C1orf94: variants seen among roughly 807,000 people sequenced by gnomAD.
C1orf94 encodes uncharacterized protein C1orf94.
Under a neutral mutation model 53.6 loss-of-function variants are expected in C1orf94, and 45 were observed. The ratio of observed to expected loss-of-function variants is 0.84; its 90% CI spans 0.66 to 1.08. The LOEUF (loss-of-function observed/expected upper bound fraction) is 1.08, where lower values mean the gene tolerates loss of function less well. Ranked by LOEUF, C1orf94 falls within the 50% of genes least tolerant of loss-of-function variation. The probability of loss-of-function intolerance (pLI) is 0.00; values close to 1 mark genes in which losing one functional copy is unlikely to be tolerated. For synonymous variants in C1orf94, 304 were observed against 296.1 expected (o/e 1.03, Z -0.27); for missense variants, 762 against 738.9 (o/e 1.03, Z -0.36).
chr1:34,204,746 A>G (rs1642765689), intron 4 of C1orf94, among the ~76,000 whole-genome samples: 1 of 152,164 alleles, frequency 6.6e-6, no homozygotes, highest in Admixed American at 6.5e-5. Context: ...AAGATGACTA[A>G]AGTCAGGTGT....
At position 34,169,664 on chromosome 1, in the gene C1orf94, A is replaced by G. The variant is rs1453861645; in HGVS notation, c.-251+2493A>G. ...GCAAATGGGAGATTCTAGCAATGCG[A>G]GGGCAGAAATAGAGGCCAAGGGGCA... On this transcript the variant is annotated intron_variant, in intron 1 of 6. Coordinates refer to the C1orf94 transcript ENST00000373374. Among the ~76,000 whole-genome samples, 4 of 150,194 alleles carry G rather than the reference A, an allele frequency of 2.7e-5. No individual in the cohort carries two copies. The Admixed American group carries it at 2.7e-4, about 10-fold the overall frequency.
intron 1 of C1orf94, among the ~76,000 whole-genome samples, chr1:34,190,533 T>C (rs553033771): frequency 1.2e-4 from 18 of 152,256 alleles, no homozygotes; most frequent in Non-Finnish European, 2.5e-4. Context: ...ATTCGTTACC[T>C]GGCTAAGTCC....
At chr1:34,207,517 G>A (rs146098041) in intron 4 of C1orf94, among the ~76,000 whole-genome samples, 4 of 152,256 alleles carry the variant, frequency 2.6e-5, no homozygotes, top group Admixed American at 6.5e-5. Context: ...GCCCCTCTCC[G>A]TAAGCTACAG....
At chr1:34,179,767 T>G (rs1420486511) in intron 1 of C1orf94, among the ~76,000 whole-genome samples, 1 of 152,198 alleles carries the variant, frequency 6.6e-6, no homozygotes, top group Non-Finnish European at 1.5e-5. Flanking sequence ...TGTTGTTGGC[T>G]TCAATCTGGG....
chr1:34,186,142 T>C (rs1186571389), intron 1 of C1orf94, among the ~76,000 whole-genome samples: 1 of 152,212 alleles, frequency 6.6e-6, no homozygotes, highest in Non-Finnish European at 1.5e-5. Flanking sequence ...ACCTCTTTCC[T>C]AAGTGTTTTA....
upstream of C1orf94, among the ~76,000 whole-genome samples, chr1:34,175,899 G>A (rs1571333414): frequency 6.6e-6 from 1 of 151,614 alleles, no homozygotes; most frequent in East Asian, 2.0e-4. Flanking sequence ...TGTGGTTTTT[G>A]CCATTGCAAG....
rs1414474 is a variant in C1orf94, at chr1:34,197,810, C to G, written c.906C>G (p.Asp302Glu). The G allele has an allele frequency of 0.22, 355,124 of 1,614,048 alleles. 40,273 individuals carry two copies. Among genetic ancestry groups the G allele is most frequent in the Middle Eastern group, 0.25 (1,522 of 6,060 alleles). ...LPPRPPPARPDKLPELPAQKR... is the reference protein window; with the variant it reads ...LPPRPPPARPEKLPELPAQKR... ...CCCGACCTCCTCCTGCACGTCCTGA[C>G]AAGCTCCCTGAGCTCCCTGCTCAGA... is the stretch of plus-strand genomic sequence containing the variant. The change falls in exon 2 of 7, where the codon GAC (aspartate) becomes GAG (glutamate). Residue 302 changes from aspartate to glutamate, a missense_variant. Coordinates refer to ENST00000488417, the MANE Select transcript of C1orf94 (RefSeq NM_001134734.2). This position sits in a 1 kb window ranked among gnomAD's most constrained non-coding sequence, Gnocchi z 4.1.
At chr1:34,185,960 A>G (rs1157506314) in intron 1 of C1orf94, among the ~76,000 whole-genome samples, 1 of 152,112 alleles carries the variant, frequency 6.6e-6, no homozygotes, top group African/African-American at 2.4e-5. Flanking sequence ...ATGTTATTCC[A>G]CTACCAGGAA....
intron 1 of C1orf94, among the ~76,000 whole-genome samples, chr1:34,189,731 G>A (rs1271236406): frequency 6.6e-6 from 1 of 152,112 alleles, no homozygotes; most frequent in African/African-American, 2.4e-5. Context: ...TCCACTCACT[G>A]CCACAGCTCC....
chr1:34,208,112 A>T, intron 4 of C1orf94, 45 bp from the exon 5 acceptor site: 1 of 1,594,092 alleles, frequency 6.3e-7, no homozygotes, highest in African/African-American at 1.3e-5. Flanking sequence ...GCCTTCTGGC[A>T]GGAAACCCCT....
chr1:34,170,411 G>C (rs557658434), intron 1 of C1orf94, among the ~76,000 whole-genome samples: 4 of 152,288 alleles, frequency 2.6e-5, no homozygotes, highest in African/African-American at 9.6e-5. Context: ...CTATGGGAAA[G>C]GGCAGGTGAG....
At chr1:34,167,415 T>A (rs545492565) in intron 1 of C1orf94, among the ~76,000 whole-genome samples, 4 of 152,314 alleles carry the variant, frequency 2.6e-5, no homozygotes, top group South Asian at 4.1e-4. Context: ...GCTCCAGAAC[T>A]TTGCTCTGTG....
At chr1:34,210,026 G>C (rs1642865022) in intron 5 of C1orf94, among the ~76,000 whole-genome samples, 1 of 152,160 alleles carries the variant, frequency 6.6e-6, no homozygotes, top group African/African-American at 2.4e-5. Context: ...TGGGCACACT[G>C]TTCCATTGCT....
At chr1:34,208,338 G>T in intron 5 of C1orf94, 104 bp downstream of exon 5, 1 of 1,154,166 alleles carries the variant, frequency 8.7e-7, no homozygotes, top group Non-Finnish European at 1.3e-6. Flanking sequence ...CCAGACACCT[G>T]GCCCACCATT....
At chr1:34,181,565 A>G (rs1157946484) in intron 1 of C1orf94, among the ~76,000 whole-genome samples, 2 of 152,212 alleles carry the variant, frequency 1.3e-5, no homozygotes, top group Admixed American at 1.3e-4. Context: ...AGGGGGATGG[A>G]GCTGTGAACT....
At chr1:34,212,576 G>A (rs1642912716) in intron 6 of C1orf94, among the ~76,000 whole-genome samples, 170 bp downstream of exon 6, 1 of 152,198 alleles carries the variant, frequency 6.6e-6, no homozygotes, top group Admixed American at 6.5e-5. Context: ...GGGACCTGGT[G>A]CAGAGATGAA....
chr1:34,182,496 G>A (rs1223431535), intron 1 of C1orf94, among the ~76,000 whole-genome samples: 1 of 152,174 alleles, frequency 6.6e-6, no homozygotes, highest in African/African-American at 2.4e-5. Flanking sequence ...GTGTGGGAGA[G>A]GAAGTGGGAG....
At chr1:34,189,267 CATGTGTGA>C (rs1447800039) in intron 1 of C1orf94, among the ~76,000 whole-genome samples, 4 of 151,522 alleles carry the variant, frequency 2.6e-5, no homozygotes, top group African/African-American at 9.7e-5. Context: ...TACGTGTGTG[CATGTGTGA>C]ATGTGTGTAT....
rs371336971 is a variant in C1orf94 at position 34,202,202 on chromosome 1, C to T, written c.1389C>T (p.Asn463=). 9.3e-6 allele frequency: 15 copies of T among 1,614,260 alleles called. No individual in the cohort carries two copies. The African/African-American group carries it at 2.0e-4, about 22-fold the overall frequency. Reference sequence around the variant, plus strand: ...CCCTGAACCAGCCACTCTGGCTCAACCTGAACTATCCACCTCCACCAGTGT... The same window carrying T: ...CCCTGAACCAGCCACTCTGGCTCAATCTGAACTATCCACCTCCACCAGTGT... ...SATLNQPLWL[N]LNYPPPPVFT... The change falls in exon 4 of 7, where the codon AAC becomes AAT. Residue 463 remains asparagine, a synonymous_variant. Transcript: ENST00000488417.
Sources: allele counts gnomAD v4.1 joint callset (sites outside exome capture counted in the v4.1 genomes callset), GRCh38; gene constraint gnomAD v4.1.1; non-coding constraint Gnocchi (gnomAD v3.1); transcripts MANE v1.5; gene names NCBI Gene and HGNC (gene_info 2026-07-23, HGNC 2026-07-21).